Variants in TTN observed in about 807,000 individuals in gnomAD.
TTN encodes connectin.
TTN carries 1,525 observed loss-of-function variants against 3,223.0 expected under a neutral mutation model. The observed-to-expected ratio is 0.47, with a 90% CI of 0.45 to 0.49. The LOEUF is 0.49. TTN is among the 20% of genes least tolerant of loss of function. The pLI, the probability that TTN is intolerant of heterozygous loss-of-function variation, is 0.00. For missense variants in TTN, 40,786 were observed against 43,424.0 expected (o/e 0.94, Z 5.40); for synonymous variants, 14,094 against 15,161.0 (o/e 0.93, Z 5.17).
In TTN at chr2:178,684,344, G is replaced by A; in HGVS notation, c.32708C>T (p.Pro10903Leu). ...GGCGGATGTACCTCTTGCTTTTGGA[G>A]GCGCCTCTTTTTTAGTTACAGCAAC... ...VLVAVTKKEA[P>L]PKARVPEEPK... is the part of the protein sequence containing the mutation. Residue 10903 changes from proline to leucine, a missense_variant, in exon 132 of 363, where the codon CCT becomes CTT. By Grantham distance (98) the Pro-to-Leu change is moderately conservative. Transcript: ENST00000589042. 1.2e-6 allele frequency: 2 copies of A among 1,613,398 alleles called. No homozygotes were observed. The highest frequency in any genetic ancestry group is 1.3e-5 in the African/African-American group (1 of 74,980).
chr2:178,537,747 G>C lies in TTN; in HGVS notation c.99460C>G (p.Arg33154Gly), dbSNP rs143556947. 6 of 1,613,708 alleles carry C rather than the reference G, an allele frequency of 3.7e-6. No homozygotes were observed. Among genetic ancestry groups the C allele is most frequent in the Non-Finnish European group, 5.1e-6 (6 of 1,179,760 alleles). Reference sequence around the variant, plus strand: ...GTCATTACTGTAAGAGTGTGTGTGCGTCCATCTGAAGACATTTTGTATTTC... The same window carrying C: ...GTCATTACTGTAAGAGTGTGTGTGCCTCCATCTGAAGACATTTTGTATTTC... ...SRKYKMSSDG[R>G]THTLTVMTEE... The change falls in exon 355 of 363, where the codon CGC (arginine) becomes GGC (glycine). Residue 33154 changes from arginine (R) to glycine (G), a missense_variant. Transcript: ENST00000589042.
chr2:178,607,794 C>T lies in TTN; in HGVS notation c.52993G>A (p.Glu17665Lys). 6.2e-7 allele frequency: 1 copy of T among 1,612,904 alleles called. No homozygotes were observed. Among genetic ancestry groups the T allele is most frequent in the Non-Finnish European group, 8.5e-7 (1 of 1,179,282 alleles). Reference protein sequence around the residue: ...PGETQPVTVAEPQEPPAVELD... With the variant: ...PGETQPVTVAKPQEPPAVELD... ...CAATAACGTTAAGTACCTTGTGGTT[C>T]AGCCACAGTAACAGGTTGTGTTTCT... is the stretch of plus-strand genomic sequence containing the variant. The change falls in exon 276 of 363, where the codon GAA (glutamate) becomes AAA (lysine). Residue 17665 changes from glutamate (E) to lysine (K), a missense_variant. By Grantham distance (56) the Glu-to-Lys change is moderately conservative (BLOSUM62 1). Transcript: ENST00000589042.
chr2:178,603,810 G>A, intron 282 of TTN, 66 bp downstream of exon 282: 6 of 1,400,782 alleles, frequency 4.3e-6, no homozygotes, highest in South Asian at 1.7e-5. Flanking sequence ...GAAATTTAAG[G>A]CAGAATTATC....
Position 178,549,833 on chromosome 2 carries a change from G to A in TTN, c.91889C>T (p.Thr30630Ile), listed in dbSNP as rs1305609938. The A allele has an allele frequency of 6.9e-6, 11 of 1,591,876 alleles. No individual in the cohort carries two copies. Among genetic ancestry groups the A allele is most frequent in the Non-Finnish European group, 9.4e-6 (11 of 1,167,552 alleles). The change falls in exon 338 of 363, where the codon ACC (threonine) becomes ATC (isoleucine). Residue 30630 changes from threonine to isoleucine, a missense_variant. By Grantham distance (89) the Thr-to-Ile change is moderately conservative (BLOSUM62 -1). Transcript: ENST00000589042. ...PGKVVGPIRF[T>I]NITGEKMTLW... Reference sequence around the variant, plus strand: ...AGTCATCTTCTCCCCAGTAATATTGGTGAATCTTATTGGCCCAACTACTTT... The same window carrying A: ...AGTCATCTTCTCCCCAGTAATATTGATGAATCTTATTGGCCCAACTACTTT...
chr2:178,588,500 G>A, intron 304 of TTN, 38 bp downstream of exon 304: 2 of 1,492,532 alleles, frequency 1.3e-6, no homozygotes, highest in South Asian at 2.8e-5. Context: ...TTGAGATTAA[G>A]AGTTGCTGTA....
At chr2:178,602,615 C>G in intron 282 of TTN, 25 bp from the exon 283 acceptor site, 1 of 1,453,760 alleles carries the variant, frequency 6.9e-7, no homozygotes. Context: ...AAAAAAAAAG[C>G]TTCATCAGAT....
In TTN at chr2:178,650,772, C is replaced by G. The variant is rs771635060; in HGVS notation, c.39688G>C (p.Ala13230Pro). Residue 13230 changes from alanine (A) to proline (P), a missense_variant, in exon 209 of 363, where the codon GCG (alanine) becomes CCG (proline). Coordinates refer to ENST00000589042, the MANE Select transcript of TTN (RefSeq NM_001267550.2). ...GTACCTTCTGGGGGAGGAGACTCCG[C>G]TCTTTCTGGAACAGGAACAGCTGGT... is the stretch of plus-strand genomic sequence containing the variant. ...EKPAVPVPER[A>P]ESPPPEVYEE... 3.7e-6 allele frequency: 6 copies of G among 1,606,912 alleles called. No individual in the cohort carries two copies. In the South Asian group the frequency reaches 6.7e-5, roughly 18 times the overall value.
chr2:178,624,632 A>G lies in TTN; in HGVS notation c.44648T>C (p.Val14883Ala). 1 of 1,612,482 alleles carries G rather than the reference A, an allele frequency of 6.2e-7. No individual in the cohort carries two copies. Among genetic ancestry groups the G allele is most frequent in the Non-Finnish European group, 8.5e-7 (1 of 1,179,108 alleles). Residue 14883 changes from valine to alanine, a missense_variant, in exon 242 of 363, where the codon GTG becomes GCG. Val to Ala is a moderately conservative substitution (Grantham distance 64). Coordinates refer to ENST00000589042, the MANE Select transcript of TTN (RefSeq NM_001267550.2). ...ECEVSRENAK[V>A]KWFKNGTEIL... ...TTCTGTCCCATTTTTGAACCATTTCACCTTAGCATTTTCTCTGGAGACTTC... is the reference window on the plus strand; with the variant it reads ...TTCTGTCCCATTTTTGAACCATTTCGCCTTAGCATTTTCTCTGGAGACTTC...
intron 50 of TTN, among the ~76,000 whole-genome samples, chr2:178,735,250 A>C (rs2081248231): frequency 6.6e-6 from 1 of 152,224 alleles, no homozygotes; most frequent in Non-Finnish European, 1.5e-5. Flanking sequence ...AATTGCTCAG[A>C]CACTTGGAGT....
chr2:178,768,199 A>G (rs748317505), intron 38 of TTN, 44 bp from the exon 39 acceptor site: 5 of 1,596,296 alleles, frequency 3.1e-6, no homozygotes, highest in Non-Finnish European at 4.3e-6. Flanking sequence ...TAACAGCTTT[A>G]TTGAGATATA....
chr2:178,633,240 G>A lies in TTN; in HGVS notation c.43033C>T (p.Pro14345Ser), dbSNP rs1576701632. 1 of 1,613,106 alleles carries A rather than the reference G, an allele frequency of 6.2e-7. No homozygotes were observed. The highest frequency in any genetic ancestry group is 1.7e-5 in the Admixed American group (1 of 59,952). The change falls in exon 233 of 363, where the codon CCT becomes TCT. Residue 14345 changes from proline (P) to serine (S), a missense_variant. Coordinates refer to ENST00000589042, the MANE Select transcript of TTN (RefSeq NM_001267550.2). ...TAHFEIELSE[P>S]DVHGQWKLKG... ...AGCTTCCACTGGCCGTGAACATCAG[G>A]TTCAGAAAGTTCAATTTCAAAGTGG... is the stretch of plus-strand genomic sequence containing the variant.
At position 178,536,347 on chromosome 2, in the gene TTN, A is replaced by C. The variant is rs200166942; in HGVS notation, c.100400T>G (p.Val33467Gly). Residue 33467 changes from valine (V) to glycine (G), a missense_variant, in exon 357 of 363, where the codon GTG (valine) becomes GGG (glycine). By Grantham distance (109) the Val-to-Gly change is moderately radical (BLOSUM62 -3). Transcript: ENST00000589042. ...TTCCCCACCTAGATTTTCACATTTC[A>C]CACGAAACTCGTATTCAAGACCTTC... ...LIEGLEYEFRVKCENLGGESE... is the reference protein window; with the variant it reads ...LIEGLEYEFRGKCENLGGESE... The C allele has an allele frequency of 5.3e-4, 861 of 1,613,812 alleles. No homozygotes were observed. Among genetic ancestry groups the C allele is most frequent in the Middle Eastern group, 6.6e-4 (4 of 6,062 alleles).
At position 178,615,389 on chromosome 2, in the gene TTN, G is replaced by A. The variant is rs377563403; in HGVS notation, c.48556C>T (p.Arg16186Cys). The change falls in exon 259 of 363, where the codon CGC becomes TGC. Residue 16186 changes from arginine to cysteine, a missense_variant. Arg to Cys is a radical substitution (Grantham distance 180). Transcript: ENST00000589042. ...CTTTCAACTATATATCCTTTGATGC[G>A]TGAACCACCATCATTTTTAGGTGGA... ...WDPPKNDGGSRIKGYIVERCP... is the reference protein window; with the variant it reads ...WDPPKNDGGSCIKGYIVERCP... The A allele has an allele frequency of 3.6e-5, 58 of 1,612,510 alleles. 1 individual carries two copies. In the South Asian group the frequency reaches 4.7e-4, roughly 13 times the overall value.
chr2:178,609,158 T>G (rs2055683421), intron 273 of TTN, 50 bp downstream of exon 273: 7 of 1,438,910 alleles, frequency 4.9e-6, no homozygotes, highest in Non-Finnish European at 6.4e-6. Context: ...TTTATTTTTA[T>G]GTTTTACTAA....
chr2:178,778,652 A>G, intron 24 of TTN: 1 of 595,316 alleles, frequency 1.7e-6, no homozygotes, highest in South Asian at 2.0e-5. Context: ...TATTAGCTAT[A>G]GCACTAGGAA....
chr2:178,559,023 G>GTA lies in TTN; in HGVS notation c.86821+286_86821+287dup, dbSNP rs112911746. ...CACATACTATATATATATAATCTGT[G>GTA]TATATATATATATAAACATGTATAC... On this transcript the variant is annotated intron_variant, in intron 326 of 362. Transcript: ENST00000589042. 0.079 allele frequency: 21,550 copies of GTA among 271,688 alleles called. 1,720 individuals are homozygous for GTA. The highest frequency in any genetic ancestry group is 0.23 in the African/African-American group (10,195 of 43,558). The allele number at this position is 271,688 out of a possible 1,614,324, so 16.8% of individuals were successfully genotyped here.
intron 284 of TTN, 30 bp downstream of exon 284, chr2:178,601,972 G>T (rs1559694794): frequency 6.2e-7 from 1 of 1,612,360 alleles, no homozygotes; most frequent in East Asian, 2.2e-5. Context: ...TGATTCAGTG[G>T]AAAAAAGAGG....
Position 178,555,075 on chromosome 2 carries a change from C to T in TTN, c.88384G>A (p.Ala29462Thr). 6.2e-7 allele frequency: 1 copy of T among 1,613,826 alleles called. No homozygotes were observed. Among genetic ancestry groups the T allele is most frequent in the South Asian group, 1.1e-5 (1 of 91,072 alleles). Residue 29462 changes from alanine (A) to threonine (T), a missense_variant, in exon 331 of 363, where the codon GCT (alanine) becomes ACT (threonine). Ala to Thr is a moderately conservative substitution (Grantham distance 58, BLOSUM62 0). Transcript: ENST00000589042. ...YRAGTSVKLR[A>T]GISGKPAPTI... Reference sequence around the variant, plus strand: ...GGCGCAGGTTTGCCAGAAATGCCAGCTCTGAGCTTCACAGATGTACCTGCT... The same window carrying T: ...GGCGCAGGTTTGCCAGAAATGCCAGTTCTGAGCTTCACAGATGTACCTGCT...
rs748930233 is a variant in TTN, at chr2:178,735,961, G to T, written c.14485C>A (p.Gln4829Lys). ...GGTGAGAGTGCAGCACCATCTTTCT[G>T]CCAAATGGTTTCTATCACAGGAGTC... ...TGTPVIETIW[Q>K]KDGAALSPSP... Residue 4829 changes from glutamine (Q) to lysine (K), a missense_variant, in exon 50 of 363, where the codon CAG (glutamine) becomes AAG (lysine). By Grantham distance (53) the Gln-to-Lys change is moderately conservative. Transcript: ENST00000589042. 34 of 1,613,684 alleles carry T rather than the reference G, an allele frequency of 2.1e-5. No individual in the cohort carries two copies. The highest frequency in any genetic ancestry group is 2.8e-5 in the Non-Finnish European group (33 of 1,179,808).
Sources: allele counts gnomAD v4.1 joint callset (sites outside exome capture counted in the v4.1 genomes callset), GRCh38; gene constraint gnomAD v4.1.1; transcripts MANE v1.5; gene names NCBI Gene and HGNC (gene_info 2026-07-23, HGNC 2026-07-21).